Variants in PHC3 observed in about 807,000 individuals in gnomAD.
PHC3 encodes the protein polyhomeotic homolog 3.
A neutral mutation model predicts 107.4 loss-of-function variants in PHC3; 13 were observed. That is an observed-to-expected ratio of 0.12 (90% CI 0.08 to 0.19). The LOEUF is 0.19. Ranked by LOEUF, PHC3 falls within the 10% of genes least tolerant of loss-of-function variation. The probability of loss-of-function intolerance (pLI) is 1.00; values close to 1 mark genes in which losing one functional copy is unlikely to be tolerated. For missense variants in PHC3, 992 were observed against 1,210.9 expected, an observed-to-expected ratio of 0.82 and a Z score of 2.68; for synonymous variants, 456 against 427.4, an observed-to-expected ratio of 1.07 and a Z score of -0.83.
intron 8 of PHC3, among the ~76,000 whole-genome samples, chr3:170,126,523 TATATA>T (rs1455784649): frequency 1.7e-4 from 14 of 80,024 alleles, no homozygotes; most frequent in African/African-American, 5.0e-4. Context: ...TATATATATA[TATATA>T]TTTTTTTTTT....
chr3:170,149,534 A>T (rs1050661544), intron 4 of PHC3, among the ~76,000 whole-genome samples: 1 of 151,968 alleles, frequency 6.6e-6, no homozygotes, highest in South Asian at 2.1e-4. Context: ...GGCTCACTGC[A>T]ACCTCCGCCT....
At position 170,129,155 on chromosome 3, in the gene PHC3, T is replaced by A; in HGVS notation, c.1317A>T (p.Ser439=). 1 of 1,613,896 alleles carries A rather than the reference T, an allele frequency of 6.2e-7. No individual in the cohort carries two copies. The highest frequency in any genetic ancestry group is 8.5e-7 in the Non-Finnish European group (1 of 1,179,846). Residue 439 remains serine (S), a synonymous_variant, in exon 8 of 15, where the codon TCA becomes TCT. Coordinates refer to ENST00000495893, the MANE Select transcript of PHC3 (RefSeq NM_024947.4). ...AATTTGGCCCTGGCTGGAGAGCTGA[T>A]GACACAAGAGGGTGTGGCTGAATAA... ...QALIQPHPLV[S]SALQPGPNLQ...
At chr3:170,147,984 G>A (rs926099065) in intron 5 of PHC3, 7 of 152,100 alleles carry the variant, frequency 4.6e-5, no homozygotes, top group African/African-American at 1.7e-4. Flanking sequence ...GAAAACTGAA[G>A]ATCCAAGCCA....
chr3:170,126,740 T>C (rs530393289), intron 8 of PHC3, among the ~76,000 whole-genome samples: 1 of 151,392 alleles, frequency 6.6e-6, no homozygotes, highest in South Asian at 2.1e-4. Flanking sequence ...TGAGTTTCTC[T>C]ATGTTGGCCA....
intron 14 of PHC3, among the ~76,000 whole-genome samples, chr3:170,099,463 G>C (rs979953024): frequency 2.0e-5 from 3 of 152,136 alleles, no homozygotes; most frequent in African/African-American, 7.2e-5. Context: ...ACAATTTTAA[G>C]TGCTCAAGGT....
In PHC3 at chr3:170,178,943, C is replaced by T; in HGVS notation, c.15-5G>A. 1 of 1,608,788 alleles carries T rather than the reference C, an allele frequency of 6.2e-7. No individual in the cohort carries two copies. Among genetic ancestry groups the T allele is most frequent in the Non-Finnish European group, 8.5e-7 (1 of 1,176,724 alleles). On this transcript the variant is annotated splice_polypyrimidine_tract_variant and splice_region_variant and intron_variant, in intron 1 of 14. Coordinates refer to ENST00000495893, the MANE Select transcript of PHC3 (RefSeq NM_024947.4). ...GCTGTACTATGGTCCTTAAATCTGG[C>T]AGGTCACACAAAGTGTTTGTATTGG...
chr3:170,173,536 T>A (rs969095330), intron 2 of PHC3, among the ~76,000 whole-genome samples: 1 of 152,200 alleles, frequency 6.6e-6, no homozygotes, highest in African/African-American at 2.4e-5. Context: ...TAACAACTAG[T>A]CACATGTGCC....
chr3:170,136,396 T>C, intron 7 of PHC3, 23 bp downstream of exon 7: 1 of 1,612,028 alleles, frequency 6.2e-7, no homozygotes, highest in Non-Finnish European at 8.5e-7. Flanking sequence ...ATACAACTAT[T>C]TTCAACAAAA....
intron 2 of PHC3, among the ~76,000 whole-genome samples, chr3:170,177,300 C>T (rs186676394): frequency 6.6e-6 from 1 of 152,252 alleles, no homozygotes; most frequent in East Asian, 1.9e-4. Flanking sequence ...TAGAGACTTT[C>T]CCCTTATAAT....
intron 2 of PHC3, chr3:170,176,796 A>G: frequency 7.2e-6 from 3 of 416,970 alleles, no homozygotes; most frequent in Non-Finnish European, 1.4e-5. Flanking sequence ...ACACAGTTCT[A>G]GATACTTCAT....
intron 11 of PHC3, among the ~76,000 whole-genome samples, chr3:170,110,022 T>C (rs372505201): frequency 2.2e-4 from 33 of 152,256 alleles, no homozygotes; most frequent in East Asian, 9.6e-4. Flanking sequence ...TTCTCCCCTA[T>C]GAAATATATT....
chr3:170,147,886 T>C (rs1403212040), intron 5 of PHC3: 1 of 152,200 alleles, frequency 6.6e-6, no homozygotes, highest in East Asian at 1.9e-4. Flanking sequence ...AGTTCAAAAA[T>C]AGCCAAATAG....
intron 4 of PHC3, among the ~76,000 whole-genome samples, chr3:170,152,029 CAT>C (rs1466595336): frequency 6.6e-6 from 1 of 152,048 alleles, no homozygotes; most frequent in Non-Finnish European, 1.5e-5. Flanking sequence ...ATAGTAGGCA[CAT>C]GACAGTTGGT....
In PHC3 at chr3:170,091,874, C is replaced by A. The variant is rs1714128959; in HGVS notation, c.*5356G>T. The A allele has an allele frequency of 6.6e-6, 1 of 151,946 alleles. No individual in the cohort carries two copies. The highest frequency in any genetic ancestry group is 1.5e-5 in the Non-Finnish European group (1 of 67,982). 9.4% of individuals were successfully genotyped at this position (151,946 alleles called of 1,614,324 possible). A position where few individuals can be genotyped will look rare whatever the true frequency, so the allele number is the denominator to read the frequency against. On this transcript the variant is annotated 3_prime_UTR_variant, in exon 15 of 15. Coordinates refer to ENST00000495893, the MANE Select transcript of PHC3 (RefSeq NM_024947.4). ...AAAATTCTTAAAAATTTAGGAAATT[C>A]TTTTTCCAAAGAAGGTAATCTAATT...
rs1485195490 is a variant in PHC3, at chr3:170,149,072, A to G, written c.573+14T>C. The G allele has an allele frequency of 6.2e-7, 1 of 1,609,502 alleles. No individual in the cohort carries two copies. The highest frequency in any genetic ancestry group is 8.5e-7 in the Non-Finnish European group (1 of 1,178,148). The stretch of plus-strand genomic sequence containing the variant: ...TCCTTAAACACTGAAAAAATTTGGT[A>G]GCTCATATCTTACCATTTGAGCTCG... On this transcript the variant is annotated intron_variant, in intron 5 of 14. Transcript: ENST00000495893.
At chr3:170,163,747 C>T (rs1196287260) in intron 4 of PHC3, among the ~76,000 whole-genome samples, 1 of 150,854 alleles carries the variant, frequency 6.6e-6, no homozygotes, top group African/African-American at 2.4e-5. Flanking sequence ...CCTGTAATCC[C>T]AGCTATTCGG....
rs904372999 is a variant in PHC3 at position 170,122,808 on chromosome 3, A to T, written c.1789-64T>A. On this transcript the variant is annotated intron_variant, in intron 8 of 14. Coordinates refer to ENST00000495893, the MANE Select transcript of PHC3 (RefSeq NM_024947.4). ...AACTATATTTTATCAGGTGTTCTTA[A>T]TTTCAGAAAATTAAATTCTATGTGT... 17 of 1,540,150 alleles carry T rather than the reference A, an allele frequency of 1.1e-5. No homozygotes were observed. In the African/African-American group the frequency reaches 2.2e-4, roughly 20 times the overall value.
rs763688476 is a variant in PHC3, at chr3:170,128,923, T to C, written c.1549A>G (p.Met517Val). The change falls in exon 8 of 15, where the codon ATG becomes GTG. Residue 517 changes from methionine to valine, a missense_variant. By Grantham distance (21) the Met-to-Val change is conservative. This residue lies in a region of PHC3 where 543 missense variants were observed against 590.8 expected (regional missense o/e 0.92). Transcript: ENST00000495893. ...ATCTGAGCTGGAGGAGATGTCGACA[T>C]CTGTGGAGGACTTGCAATTGGGATT... Reference protein sequence around the residue: ...SPIPIASPPQMSTSPPAQIPP... With the variant: ...SPIPIASPPQVSTSPPAQIPP... 6.2e-7 allele frequency: 1 copy of C among 1,613,886 alleles called. No individual in the cohort carries two copies.
At chr3:170,149,504 G>A (rs1034172936) in intron 4 of PHC3, among the ~76,000 whole-genome samples, 1 of 151,942 alleles carries the variant, frequency 6.6e-6, no homozygotes, top group Admixed American at 6.6e-5. Flanking sequence ...GCCCAGACTG[G>A]AGTGCAAGTG....
Sources: allele counts gnomAD v4.1 joint callset (sites outside exome capture counted in the v4.1 genomes callset), GRCh38; gene constraint gnomAD v4.1.1; regional missense constraint gnomAD v4.1.1; transcripts MANE v1.5; gene names NCBI Gene and HGNC (gene_info 2026-07-23, HGNC 2026-07-21).